The following NDRG3 variants were observed in gnomAD, a reference collection of about 807,000 sequenced individuals.
The protein encoded by NDRG3 is protein NDRG3.
A neutral mutation model predicts 57.2 loss-of-function variants in NDRG3; 23 were observed. That is an observed-to-expected ratio of 0.40 (90% CI 0.29 to 0.57). The LOEUF (loss-of-function observed/expected upper bound fraction) is 0.57, where lower values mean the gene tolerates loss of function less well. NDRG3 is among the 20% of genes least tolerant of loss of function. The pLI, the probability that NDRG3 is intolerant of heterozygous loss-of-function variation, is 0.42. For missense variants in NDRG3, 384 were observed against 457.3 expected (o/e 0.84, Z 1.46); for synonymous variants, 132 against 162.6 (o/e 0.81, Z 1.43).
At chr20:36,675,627 A>C (rs927255615) in intron 8 of NDRG3, among the ~76,000 whole-genome samples, 3 of 151,518 alleles carry the variant, frequency 2.0e-5, no homozygotes, top group African/African-American at 7.3e-5. Context: ...TTCAGGTGAT[A>C]TGCCCACCTC....
intron 5 of NDRG3, among the ~76,000 whole-genome samples, chr20:36,685,648 G>A (rs750847236): frequency 1.3e-5 from 2 of 152,156 alleles, no homozygotes; most frequent in Non-Finnish European, 2.9e-5. Context: ...TTCATAATAT[G>A]AACCATCTGA....
intron 5 of NDRG3, among the ~76,000 whole-genome samples, chr20:36,684,780 C>T (rs1056137956): frequency 4.0e-5 from 6 of 151,270 alleles, no homozygotes; most frequent in East Asian, 3.9e-4. Flanking sequence ...ACCTGAGAGG[C>T]GGAGGCTGCC....
intron 8 of NDRG3, among the ~76,000 whole-genome samples, chr20:36,674,595 C>CTTTTTTT (rs561643631): frequency 8.6e-6 from 1 of 116,850 alleles, no homozygotes; most frequent in African/African-American, 3.3e-5. Context: ...ATCAATAAAG[C>CTTTTTTT]TTTTTTTTTT....
chr20:36,674,292 C>CA (rs1568631851), intron 8 of NDRG3, among the ~76,000 whole-genome samples: 1 of 150,934 alleles, frequency 6.6e-6, no homozygotes, highest in African/African-American at 2.4e-5. Context: ...CTTTGCCTCC[C>CA]GGGTTCAAGT....
chr20:36,685,179 C>A, intron 5 of NDRG3, among the ~76,000 whole-genome samples: 1 of 152,006 alleles, frequency 6.6e-6, no homozygotes, highest in East Asian at 1.9e-4. Context: ...TATATTTAGG[C>A]AACTAAATGC....
intron 5 of NDRG3, among the ~76,000 whole-genome samples, chr20:36,685,240 G>A (rs1981678233): frequency 6.6e-6 from 1 of 151,946 alleles, no homozygotes; most frequent in South Asian, 2.1e-4. Flanking sequence ...CCCTTAGCAT[G>A]AATGCTTATT....
chr20:36,725,600 T>TAAAAAAAAAAAAAA (rs548128722), intron 1 of NDRG3, among the ~76,000 whole-genome samples: 1 of 82,432 alleles, frequency 1.2e-5, no homozygotes, highest in Non-Finnish European at 2.4e-5. Context: ...AGACTCCGTC[T>TAAAAAAAAAAAAAA]AAAAAAAAAA....
At chr20:36,739,791 T>C (rs980515086) in intron 1 of NDRG3, among the ~76,000 whole-genome samples, 4 of 151,368 alleles carry the variant, frequency 2.6e-5, no homozygotes, top group African/African-American at 9.7e-5. Context: ...GCGCCTGTAG[T>C]CCCAGCTACT....
At chr20:36,714,606 G>T (rs1429932785) in intron 2 of NDRG3, among the ~76,000 whole-genome samples, 8 of 144,432 alleles carry the variant, frequency 5.5e-5, no homozygotes, top group Non-Finnish European at 9.1e-5. Context: ...GGCTAATTTT[G>T]TTTTTTTTTG....
chr20:36,737,983 G>A (rs1985694005), intron 1 of NDRG3, among the ~76,000 whole-genome samples: 1 of 151,222 alleles, frequency 6.6e-6, no homozygotes, highest in Admixed American at 6.6e-5. Context: ...AGAACTGCTT[G>A]AACCTAGGGG....
At chr20:36,734,393 C>T (rs1252831735) in intron 1 of NDRG3, among the ~76,000 whole-genome samples, 3 of 152,198 alleles carry the variant, frequency 2.0e-5, no homozygotes, top group Non-Finnish European at 2.9e-5. Context: ...ATTGAGAAGA[C>T]TGCCTCACCA....
intron 8 of NDRG3, among the ~76,000 whole-genome samples, chr20:36,675,388 T>C (rs528984180): frequency 7.0e-6 from 1 of 142,198 alleles, no homozygotes; most frequent in South Asian, 2.3e-4. Flanking sequence ...AAGTTGTTTT[T>C]TTTTGGGGGG....
At chr20:36,710,019 G>T (rs1443974990) in intron 2 of NDRG3, among the ~76,000 whole-genome samples, 1 of 152,058 alleles carries the variant, frequency 6.6e-6, no homozygotes, top group Non-Finnish European at 1.5e-5. Context: ...ATTAAAATAT[G>T]CATTAAAAAA....
At chr20:36,682,094 CA>C (rs1051575683) in intron 7 of NDRG3, among the ~76,000 whole-genome samples, 2 of 152,166 alleles carry the variant, frequency 1.3e-5, no homozygotes, top group African/African-American at 4.8e-5. Context: ...AAAAATTTCA[CA>C]TTATCTTACC....
chr20:36,711,131 A>G (rs1266429578), intron 2 of NDRG3, among the ~76,000 whole-genome samples: 3 of 150,298 alleles, frequency 2.0e-5, no homozygotes, highest in Non-Finnish European at 3.0e-5. Context: ...AAAAAAAAAA[A>G]AATAGCCGGG....
chr20:36,669,473 A>G (rs1332510461), intron 9 of NDRG3, among the ~76,000 whole-genome samples: 1 of 149,548 alleles, frequency 6.7e-6, no homozygotes, highest in Non-Finnish European at 1.5e-5. Context: ...CTCGTGATCC[A>G]CCTGCCTCGG....
At chr20:36,655,737 A>T (rs955357417) in intron 15 of NDRG3, among the ~76,000 whole-genome samples, 2 of 152,212 alleles carry the variant, frequency 1.3e-5, no homozygotes, top group East Asian at 3.8e-4. Context: ...GGTTTGAATC[A>T]TGGCCCTGCA....
At chr20:36,742,292 T>C (rs1327037965) in intron 1 of NDRG3, among the ~76,000 whole-genome samples, 1 of 152,138 alleles carries the variant, frequency 6.6e-6, no homozygotes, top group Non-Finnish European at 1.5e-5. Flanking sequence ...AGCACATAAA[T>C]AGAATCATAA....
chr20:36,698,527 G>C (rs1335614529), intron 3 of NDRG3, among the ~76,000 whole-genome samples: 1 of 151,452 alleles, frequency 6.6e-6, no homozygotes, highest in Non-Finnish European at 1.5e-5. Context: ...AGTAAGCCAT[G>C]TTCTTGCCAC....
Sources: allele counts gnomAD v4.1 joint callset (sites outside exome capture counted in the v4.1 genomes callset), GRCh38; gene constraint gnomAD v4.1.1; transcripts MANE v1.5; gene names NCBI Gene and HGNC (gene_info 2026-07-23, HGNC 2026-07-21).